The following PTPN4 variants were observed in gnomAD, a reference collection of about 807,000 sequenced individuals.
The protein encoded by PTPN4 is protein tyrosine phosphatase non-receptor type 4, also known as tyrosine-protein phosphatase non-receptor type 4.
In PTPN4, 49 loss-of-function variants were observed where a neutral mutation model predicts 135.5. The observed-to-expected ratio is 0.36, with a 90% CI of 0.29 to 0.46. The LOEUF is 0.46. Ranked by LOEUF, PTPN4 falls within the 20% of genes least tolerant of loss-of-function variation. The pLI is 1.00. For missense variants in PTPN4, 860 were observed against 1,101.0 expected (o/e 0.78, Z 3.10); for synonymous variants, 333 against 369.9 (o/e 0.90, Z 1.14).
At chr2:119,796,566 T>C (rs1691264616) in intron 1 of PTPN4, among the ~76,000 whole-genome samples, 1 of 152,250 alleles carries the variant, frequency 6.6e-6, no homozygotes, top group African/African-American at 2.4e-5. Context: ...TTCCATTTTA[T>C]TGATATACTA....
chr2:119,878,102 A>C (rs912965707), intron 5 of PTPN4, among the ~76,000 whole-genome samples: 5 of 152,180 alleles, frequency 3.3e-5, no homozygotes, highest in African/African-American at 1.2e-4. Flanking sequence ...TTACATGCCC[A>C]CTTGACTCTC....
intron 18 of PTPN4, among the ~76,000 whole-genome samples, chr2:119,949,848 T>C (rs1679187512): frequency 6.6e-6 from 1 of 151,738 alleles, no homozygotes; most frequent in African/African-American, 2.4e-5. Context: ...GTCTCAAATA[T>C]ATAGCAAGAC....
intron 1 of PTPN4, among the ~76,000 whole-genome samples, chr2:119,763,131 TGG>T (rs2104914358): frequency 6.6e-6 from 1 of 152,232 alleles, no homozygotes; most frequent in South Asian, 2.1e-4. Flanking sequence ...TTTGCATGAA[TGG>T]GGAAAAAGAG....
At chr2:119,775,096 G>GAAAAAAAAA (rs35234122) in intron 1 of PTPN4, among the ~76,000 whole-genome samples, 3 of 66,766 alleles carry the variant, frequency 4.5e-5, no homozygotes, top group South Asian at 5.2e-4. Flanking sequence ...GCCCTATTCT[G>GAAAAAAAAA]AAAAAAAAAA....
intron 11 of PTPN4, among the ~76,000 whole-genome samples, chr2:119,919,654 C>A (rs1352686955): frequency 6.6e-6 from 1 of 152,034 alleles, no homozygotes; most frequent in Non-Finnish European, 1.5e-5. Flanking sequence ...GAAACCCCGT[C>A]TCTACTAAAC....
At chr2:119,854,116 A>G (rs1677636870) in intron 2 of PTPN4, among the ~76,000 whole-genome samples, 1 of 152,150 alleles carries the variant, frequency 6.6e-6, no homozygotes. Flanking sequence ...TCATTCACAT[A>G]GTCTGTGAAA....
At chr2:119,803,166 ATTTTC>A (rs377200442) in intron 1 of PTPN4, among the ~76,000 whole-genome samples, 88 of 151,306 alleles carry the variant, frequency 5.8e-4, no homozygotes, top group African/African-American at 1.9e-3. Flanking sequence ...CTCTATTTTT[ATTTTC>A]TTTAATTTCA....
Position 119,934,783 on chromosome 2 carries a change from T to C in PTPN4, c.1197-17T>C. 1 of 1,611,002 alleles carries C rather than the reference T, an allele frequency of 6.2e-7. No individual in the cohort carries two copies. The highest frequency in any genetic ancestry group is 1.3e-5 in the African/African-American group (1 of 74,944). On this transcript the variant is annotated splice_polypyrimidine_tract_variant and intron_variant, in intron 14 of 26. Transcript: ENST00000263708. Reference sequence around the variant, plus strand: ...TTGAAGCATATTTTTATTCAGTTTTTCTCCCTCTTTATTTAGTCGAAATTC... The same window carrying C: ...TTGAAGCATATTTTTATTCAGTTTTCCTCCCTCTTTATTTAGTCGAAATTC...
At chr2:119,847,275 T>TATATACACACACAC (rs1553451350) in intron 2 of PTPN4, among the ~76,000 whole-genome samples, 1 of 107,538 alleles carries the variant, frequency 9.3e-6, no homozygotes, top group African/African-American at 3.8e-5. Flanking sequence ...ATACTCTATA[T>TATATACACACACAC]ACACACACAC....
chr2:119,839,257 G>GT (rs1677344374), intron 2 of PTPN4, among the ~76,000 whole-genome samples: 2 of 152,082 alleles, frequency 1.3e-5, no homozygotes, highest in Non-Finnish European at 2.9e-5. Flanking sequence ...CTATCATAAG[G>GT]TTTTTTCAGT....
chr2:119,860,804 G>T (rs1677749845), intron 2 of PTPN4, among the ~76,000 whole-genome samples: 1 of 152,122 alleles, frequency 6.6e-6, no homozygotes, highest in Non-Finnish European at 1.5e-5. Flanking sequence ...ACTTTGGGAG[G>T]CTGAGGCAGG....
intron 2 of PTPN4, among the ~76,000 whole-genome samples, chr2:119,811,947 G>A (rs1676886850): frequency 6.6e-6 from 1 of 151,760 alleles, no homozygotes; most frequent in African/African-American, 2.4e-5. Flanking sequence ...CAATAGACCT[G>A]GATATATTAC....
chr2:119,877,872 G>A (rs1678009083), intron 5 of PTPN4, among the ~76,000 whole-genome samples: 2 of 146,084 alleles, frequency 1.4e-5, no homozygotes, highest in South Asian at 2.2e-4. Flanking sequence ...TCCAAAGGAT[G>A]CTGTGTGGTG....
At chr2:119,976,917 T>C (rs1679625886) in intron 26 of PTPN4, 67 bp from the exon 27 acceptor site, 4 of 1,548,924 alleles carry the variant, frequency 2.6e-6, no homozygotes, top group South Asian at 2.5e-5. Flanking sequence ...TTTGTCTTTT[T>C]TGGGGGGAGA....
At chr2:119,763,257 T>TTAATTA (rs1365539393) in intron 1 of PTPN4, among the ~76,000 whole-genome samples, 3 of 152,182 alleles carry the variant, frequency 2.0e-5, no homozygotes, top group Non-Finnish European at 4.4e-5. Context: ...AGTATTTGAA[T>TTAATTA]TAATTAGTAA....
At chr2:119,878,689 CTTTTT>C (rs74600465) in intron 5 of PTPN4, among the ~76,000 whole-genome samples, 26 of 129,786 alleles carry the variant, frequency 2.0e-4, no homozygotes, top group African/African-American at 6.9e-4. Context: ...GCAGGTGTTC[CTTTTT>C]TTTTTTTTTT....
At chr2:119,878,831 C>A (rs931863759) in intron 5 of PTPN4, among the ~76,000 whole-genome samples, 1 of 151,680 alleles carries the variant, frequency 6.6e-6, no homozygotes, top group South Asian at 2.1e-4. Flanking sequence ...CAGTGGCTCA[C>A]GCCTGTAATC....
At chr2:119,935,435 C>G (rs757901785) in intron 15 of PTPN4, among the ~76,000 whole-genome samples, 4 of 151,836 alleles carry the variant, frequency 2.6e-5, no homozygotes, top group Admixed American at 2.6e-4. Context: ...ATAGTGAGTG[C>G]GATCAGGGGT....
intron 26 of PTPN4, among the ~76,000 whole-genome samples, chr2:119,976,424 T>C (rs888906900): frequency 6.6e-6 from 1 of 152,222 alleles, no homozygotes; most frequent in African/African-American, 2.4e-5. Context: ...GTACTTTACC[T>C]ACCTTGCTTT....
Sources: allele counts gnomAD v4.1 joint callset (sites outside exome capture counted in the v4.1 genomes callset), GRCh38; gene constraint gnomAD v4.1.1; transcripts MANE v1.5; gene names NCBI Gene and HGNC (gene_info 2026-07-23, HGNC 2026-07-21).